The following ERGIC1 variants were observed in gnomAD, a reference collection of about 807,000 sequenced individuals.
ERGIC1 encodes endoplasmic reticulum-Golgi intermediate compartment protein 1.
Under a neutral mutation model 38.3 loss-of-function variants are expected in ERGIC1, and 19 were observed. That is an observed-to-expected ratio of 0.50 (90% confidence interval 0.35 to 0.73). The LOEUF is 0.73. Ranked by LOEUF, ERGIC1 falls within the 30% of genes least tolerant of loss-of-function variation. ERGIC1 has a pLI of 0.01. For synonymous variants in ERGIC1, 124 were observed against 157.6 expected (o/e 0.79, Z 1.60); for missense variants, 294 against 389.2 (o/e 0.76, Z 2.06).
At chr5:172,902,409 G>A (rs1265858388) in intron 3 of ERGIC1, among the ~76,000 whole-genome samples, 1 of 152,222 alleles carries the variant, frequency 6.6e-6, no homozygotes, top group African/African-American at 2.4e-5. Context: ...ATCCCATTAA[G>A]GAGCATGAAG....
At chr5:172,842,176 T>C (rs1047413017) in intron 1 of ERGIC1, among the ~76,000 whole-genome samples, 2 of 152,192 alleles carry the variant, frequency 1.3e-5, no homozygotes, top group Non-Finnish European at 2.9e-5. Context: ...CCCAAGTAGC[T>C]GGGATTACAG....
chr5:172,861,778 C>T (rs747853015), intron 1 of ERGIC1, among the ~76,000 whole-genome samples: 1 of 152,056 alleles, frequency 6.6e-6, no homozygotes, highest in Non-Finnish European at 1.5e-5. Context: ...CCTGGTGCTC[C>T]CCAGCTCTAA....
At chr5:172,903,565 C>T (rs548613580) in intron 3 of ERGIC1, among the ~76,000 whole-genome samples, 6 of 152,176 alleles carry the variant, frequency 3.9e-5, no homozygotes, top group African/African-American at 1.4e-4. Context: ...GTTTCATCGA[C>T]GTGAAGGGAG....
intron 1 of ERGIC1, among the ~76,000 whole-genome samples, chr5:172,854,707 G>A (rs1353790248): frequency 2.6e-5 from 4 of 152,254 alleles, no homozygotes; most frequent in South Asian, 2.1e-4. Context: ...CTGGCCACCC[G>A]TGACTTGGAA....
Position 172,950,806 on chromosome 5 carries a change from A to G in ERGIC1, c.863A>G (p.Lys288Arg). 1.9e-6 allele frequency: 3 copies of G among 1,610,068 alleles called. No homozygotes were observed. The highest frequency in any genetic ancestry group is 2.5e-6 in the Non-Finnish European group (3 of 1,177,060). ...GCCTGGAAGAAGATCCAGCTGGGCA[A>G]GATGCATTGACGCCACACCCAGCCT... ...SEAWKKIQLGKMH is the reference protein window; with the variant it reads ...SEAWKKIQLGRMH The change falls in exon 10 of 10, where the codon AAG becomes AGG. Residue 288 changes from lysine to arginine, a missense_variant. Transcript: ENST00000393784.
At chr5:172,917,372 G>T (rs1055373250) in intron 5 of ERGIC1, 1 of 152,192 alleles carries the variant, frequency 6.6e-6, no homozygotes, top group African/African-American at 2.4e-5. Flanking sequence ...GGAGTCATTA[G>T]TGAATAGATG....
chr5:172,882,300 C>A (rs1762303860), intron 1 of ERGIC1, among the ~76,000 whole-genome samples: 1 of 152,160 alleles, frequency 6.6e-6, no homozygotes, highest in Non-Finnish European at 1.5e-5. Flanking sequence ...AGAACACTGC[C>A]TGGTATATTA....
At chr5:172,865,926 C>T (rs1277864396) in intron 1 of ERGIC1, among the ~76,000 whole-genome samples, 1 of 152,166 alleles carries the variant, frequency 6.6e-6, no homozygotes, top group African/African-American at 2.4e-5. Context: ...CCTTAAGCCC[C>T]TATATTCCTC....
rs1012799754 is a variant in ERGIC1 at position 172,834,588 on chromosome 5, C to CG, written c.20+155_20+156insG. 3.7e-5 allele frequency among the ~76,000 whole-genome samples: 5 copies of CG among 134,360 alleles called. No individual in the cohort carries two copies. The highest frequency in any genetic ancestry group is 3.5e-3 in the Middle Eastern group (1 of 286). 88.1% of individuals were successfully genotyped at this position (134,360 alleles called of 152,430 possible). A position where few individuals can be genotyped will look rare whatever the true frequency, so the allele number is the denominator to read the frequency against. On this transcript the variant is annotated intron_variant, in intron 1 of 9. Coordinates refer to ENST00000393784, the MANE Select transcript of ERGIC1 (RefSeq NM_001031711.3). This position sits in a 1 kb window ranked among gnomAD's most constrained non-coding sequence, Gnocchi z 4.1. ...CTAGGGACCCCAGGCGAGCCCCCCC[C>CG]CTGCCGCACACGAAGCCAGCCAGAG...
rs529543757 is a variant in ERGIC1 at position 172,874,881 on chromosome 5, C to T, written c.21-13818C>T. On this transcript the variant is annotated intron_variant, in intron 1 of 9. Coordinates refer to ENST00000393784, the MANE Select transcript of ERGIC1 (RefSeq NM_001031711.3). ...TTGGGGCAGCAGTGAGCCATGATCG[C>T]GCCACTGCACTCCAGCCTGGGCAAG... Among the ~76,000 whole-genome samples, 15 of 148,616 alleles carry T rather than the reference C, an allele frequency of 1.0e-4. No individual in the cohort carries two copies. In the South Asian group the frequency reaches 1.1e-3, roughly 10 times the overall value.
intron 1 of ERGIC1, among the ~76,000 whole-genome samples, chr5:172,868,776 G>A (rs1006811858): frequency 6.6e-6 from 1 of 152,232 alleles, no homozygotes; most frequent in African/African-American, 2.4e-5. Flanking sequence ...TTGATAGTGA[G>A]GGAGGCTGTG....
Position 172,864,688 on chromosome 5 carries a change from G to A in ERGIC1, c.21-24011G>A, listed in dbSNP as rs536972750. Among the ~76,000 whole-genome samples, 5 of 151,986 alleles carry A rather than the reference G, an allele frequency of 3.3e-5. No individual in the cohort carries two copies. The East Asian group carries it at 9.7e-4, about 29-fold the overall frequency. On this transcript the variant is annotated intron_variant, in intron 1 of 9. Coordinates refer to ENST00000393784, the MANE Select transcript of ERGIC1 (RefSeq NM_001031711.3). Reference sequence around the variant, plus strand: ...TTTAACTCACTAGTCATCGTCATCTGCAGTTGGTAAAAACATTGTTGTAGA... The same window carrying A: ...TTTAACTCACTAGTCATCGTCATCTACAGTTGGTAAAAACATTGTTGTAGA...
intron 1 of ERGIC1, chr5:172,867,131 C>T (rs1761886874): frequency 2.2e-6 from 1 of 449,690 alleles, no homozygotes; most frequent in Non-Finnish European, 4.5e-6. Context: ...CTCTGCAAGC[C>T]AAGGGTTTGA....
At chr5:172,871,086 C>T (rs923492967) in intron 1 of ERGIC1, among the ~76,000 whole-genome samples, 4 of 152,212 alleles carry the variant, frequency 2.6e-5, no homozygotes, top group Admixed American at 6.5e-5. Context: ...GAATGCAGTC[C>T]ACGCATGCTC....
intron 1 of ERGIC1, among the ~76,000 whole-genome samples, chr5:172,851,432 C>A (rs923933146): frequency 6.6e-6 from 1 of 152,062 alleles, no homozygotes; most frequent in African/African-American, 2.4e-5. Flanking sequence ...TCGCTTCAAC[C>A]CCGGAGGCAG....
In ERGIC1 at chr5:172,926,489, C is replaced by G. The variant is rs1763653960; in HGVS notation, c.481-20C>G. ...GTGGAGGTGTCCTGGGGACCATCCCCTCACTGCATTTTTCCACAGGTCCAG... is the reference window on the plus strand; with the variant it reads ...GTGGAGGTGTCCTGGGGACCATCCCGTCACTGCATTTTTCCACAGGTCCAG... On this transcript the variant is annotated intron_variant, in intron 6 of 9. Transcript: ENST00000393784. This position sits in a 1 kb window ranked among gnomAD's most constrained non-coding sequence, Gnocchi z 5.2. 6.2e-7 allele frequency: 1 copy of G among 1,613,808 alleles called. No individual in the cohort carries two copies. Among genetic ancestry groups the G allele is most frequent in the Non-Finnish European group, 8.5e-7 (1 of 1,179,996 alleles).
At chr5:172,927,132 G>A (rs186381206) in intron 7 of ERGIC1, 65 of 157,582 alleles carry the variant, frequency 4.1e-4, no homozygotes, top group African/African-American at 1.4e-3. Flanking sequence ...AGGAGAGCAC[G>A]CATACCTTTC....
Position 172,926,532 on chromosome 5 carries a change from C to T in ERGIC1, c.504C>T (p.Phe168=), listed in dbSNP as rs765198721. Residue 168 remains phenylalanine (F), a synonymous_variant, in exon 7 of 10, where the codon TTC becomes TTT. Transcript: ENST00000393784. The surrounding 1 kb of genome is among the most constrained non-coding windows in gnomAD (Gnocchi z 5.2). ...AGGTCCAGAACATCCACGGAGCTTT[C>T]AATGCTCTCGGGGGAGCAGACAGAC... ...TLQVQNIHGA[F]NALGGADRLT... 1.2e-6 allele frequency: 2 copies of T among 1,613,534 alleles called. No homozygotes were observed. Among genetic ancestry groups the T allele is most frequent in the Non-Finnish European group, 1.7e-6 (2 of 1,180,030 alleles).
At position 172,834,637 on chromosome 5, in the gene ERGIC1, G is replaced by A. The variant is rs1760990148; in HGVS notation, c.20+204G>A. Among the ~76,000 whole-genome samples, 2 of 137,582 alleles carry A rather than the reference G, an allele frequency of 1.5e-5. No homozygotes were observed. The highest frequency in any genetic ancestry group is 5.3e-5 in the African/African-American group (2 of 38,000). 90.3% of individuals were successfully genotyped at this position (137,582 alleles called of 152,430 possible). On this transcript the variant is annotated intron_variant, in intron 1 of 9. Transcript: ENST00000393784. The surrounding 1 kb of genome is among the most constrained non-coding windows in gnomAD (Gnocchi z 4.1). ...AGCCGCGGAGGCCCCCTCGTGCAGC[G>A]GGAGACAAATCCACCCACCTTCCCT...
Sources: gnomAD v4.1 joint callset for allele counts (sites outside exome capture counted in the v4.1 genomes callset) on GRCh38, gnomAD v4.1.1 for gene constraint, Gnocchi (gnomAD v3.1) non-coding constraint, MANE v1.5 for transcripts, NCBI Gene and HGNC (gene_info 2026-07-23, HGNC 2026-07-21) for gene names.